LAMA3: variants seen among roughly 807,000 people sequenced by gnomAD.
LAMA3 encodes the protein laminin subunit alpha 3.
Under a neutral mutation model 402.0 loss-of-function variants are expected in LAMA3, and 281 were observed. The ratio of observed to expected loss-of-function variants is 0.70; its 90% CI spans 0.63 to 0.77. The LOEUF is 0.77. Among genes scored for constraint, LAMA3 ranks in the 30% least tolerant of loss-of-function variants. The pLI, the probability that LAMA3 is intolerant of heterozygous loss-of-function variation, is 0.00. For synonymous variants in LAMA3, 1,431 were observed against 1,558.4 expected, an observed-to-expected ratio of 0.92 and a Z score of 1.93; for missense variants, 3,840 against 4,215.5, an observed-to-expected ratio of 0.91 and a Z score of 2.47.
At chr18:23,908,042 C>T in intron 54 of LAMA3, 107 bp downstream of exon 54, 1 of 1,030,692 alleles carries the variant, frequency 9.7e-7, no homozygotes, top group South Asian at 1.3e-5. Flanking sequence ...GAAACTAAAA[C>T]ATTAGAAAAC....
At chr18:23,824,255 A>G (rs972545385) in intron 20 of LAMA3, among the ~76,000 whole-genome samples, 168 bp from the exon 21 acceptor site, 11 of 152,232 alleles carry the variant, frequency 7.2e-5, no homozygotes, top group African/African-American at 2.4e-4. Flanking sequence ...TATTTTATAC[A>G]TATGTATTTG....
chr18:23,718,966 G>A (rs2061161231), intron 2 of LAMA3, among the ~76,000 whole-genome samples: 1 of 152,202 alleles, frequency 6.6e-6, no homozygotes, highest in Admixed American at 6.5e-5. Flanking sequence ...GCCTCTCAAT[G>A]GGCCAGTTCT....
At chr18:23,758,157 C>A (rs1229803004) in intron 6 of LAMA3, among the ~76,000 whole-genome samples, 2 of 152,206 alleles carry the variant, frequency 1.3e-5, no homozygotes, top group East Asian at 3.8e-4. Flanking sequence ...CTGCCTGACC[C>A]TTGGCAGGTA....
At chr18:23,926,791 GC>G (rs962987772) in intron 62 of LAMA3, among the ~76,000 whole-genome samples, 2 of 152,226 alleles carry the variant, frequency 1.3e-5, no homozygotes, top group Non-Finnish European at 2.9e-5. Context: ...AAGGGGAAAT[GC>G]CCTGGGGCCA....
In LAMA3 at chr18:23,932,179, G is replaced by A; in HGVS notation, c.8596G>A (p.Asp2866Asn). 1 of 1,613,998 alleles carries A rather than the reference G, an allele frequency of 6.2e-7. No homozygotes were observed. Among genetic ancestry groups the A allele is most frequent in the Non-Finnish European group, 8.5e-7 (1 of 1,179,914 alleles). The change falls in exon 66 of 75, where the codon GAC (aspartate) becomes AAC (asparagine). Residue 2866 changes from aspartate (D) to asparagine (N), a missense_variant. Asp to Asn is a conservative substitution (Grantham distance 23, BLOSUM62 1). Transcript: ENST00000313654. ...DNSGLRLLIDDQLLRNSKRLK... is the reference protein window; with the variant it reads ...DNSGLRLLIDNQLLRNSKRLK... ...TTTCAGACTACGGCTTCTCATCGAT[G>A]ACCAGCTTCTGAGAAATAGCAAAAG...
intron 2 of LAMA3, among the ~76,000 whole-genome samples, chr18:23,714,658 GT>G (rs940725061): frequency 2.6e-5 from 4 of 152,110 alleles, no homozygotes; most frequent in Admixed American, 2.0e-4. Context: ...ATTTTTAATT[GT>G]GGTAAAAGAG....
chr18:23,812,659 A>G (rs935145993), intron 13 of LAMA3, among the ~76,000 whole-genome samples: 48 of 152,254 alleles, frequency 3.2e-4, no homozygotes, highest in Non-Finnish European at 5.9e-4. Flanking sequence ...AGGAGGTGTG[A>G]TAATTAAAGA....
intron 5 of LAMA3, among the ~76,000 whole-genome samples, chr18:23,752,010 A>G (rs1416616080): frequency 1.3e-5 from 2 of 152,220 alleles, no homozygotes; most frequent in African/African-American, 4.8e-5. Flanking sequence ...TGCACCTTAT[A>G]GAGTTTGGCT....
intron 2 of LAMA3, 40 bp downstream of exon 2, chr18:23,714,112 G>T: frequency 6.3e-7 from 1 of 1,577,394 alleles, no homozygotes; most frequent in Non-Finnish European, 8.7e-7. Context: ...CATGAGCTTA[G>T]ATCACTGTTT....
chr18:23,913,126 C>A (rs183044891), intron 56 of LAMA3, among the ~76,000 whole-genome samples: 1 of 152,154 alleles, frequency 6.6e-6, no homozygotes, highest in Non-Finnish European at 1.5e-5. Flanking sequence ...GGGCCCAGCA[C>A]GTGGGCATGT....
chr18:23,812,513 A>G (rs1229604031), intron 13 of LAMA3, among the ~76,000 whole-genome samples: 1 of 152,228 alleles, frequency 6.6e-6, no homozygotes, highest in African/African-American at 2.4e-5. Context: ...CAGTTCAAAC[A>G]CTGTGTAATT....
chr18:23,867,822 T>C lies in LAMA3; in HGVS notation c.4684-12T>C. On this transcript the variant is annotated splice_polypyrimidine_tract_variant and intron_variant, in intron 36 of 74. Coordinates refer to ENST00000313654, the MANE Select transcript of LAMA3 (RefSeq NM_198129.4). ...TGAAGGTACTAACACATTCATGGTT[T>C]TCTTTAAACAGGGTCAGCACATGTC... The C allele has an allele frequency of 1.2e-6, 2 of 1,608,900 alleles. No homozygotes were observed. The highest frequency in any genetic ancestry group is 2.2e-5 in the South Asian group (2 of 90,966).
At chr18:23,734,250 G>C (rs554207348) in intron 2 of LAMA3, among the ~76,000 whole-genome samples, 1 of 152,202 alleles carries the variant, frequency 6.6e-6, no homozygotes, top group Non-Finnish European at 1.5e-5. Context: ...CAGGCTCAGG[G>C]TATTCTGAAT....
In LAMA3 at chr18:23,858,723, G is replaced by A. The variant is rs752762070; in HGVS notation, c.4316G>A (p.Arg1439Gln). Reference protein sequence around the residue: ...NVEGTECNVCREGSFHLDPAN... With the variant: ...NVEGTECNVCQEGSFHLDPAN... The stretch of plus-strand genomic sequence containing the variant: ...GAAGGCACAGAGTGTAATGTGTGTC[G>A]AGAAGGCTCATTCCATTTGGACCCA... Residue 1439 changes from arginine (R) to glutamine (Q), a missense_variant, in exon 34 of 75, where the codon CGA becomes CAA. By Grantham distance (43) the Arg-to-Gln change is conservative. This residue lies in a region of LAMA3 where 2,109 missense variants were observed against 2,376.0 expected (regional missense o/e 0.89). Transcript: ENST00000313654. The A allele has an allele frequency of 3.8e-5, 62 of 1,613,988 alleles. 2 individuals carry two copies. The highest frequency in any genetic ancestry group is 1.6e-4 in the Middle Eastern group (1 of 6,084).
intron 67 of LAMA3, among the ~76,000 whole-genome samples, chr18:23,935,369 G>T (rs1249000242): frequency 1.3e-5 from 2 of 152,238 alleles, no homozygotes; most frequent in African/African-American, 2.4e-5. Context: ...AGACTGTCAG[G>T]AGTCTCTGCG....
intron 62 of LAMA3, among the ~76,000 whole-genome samples, chr18:23,922,949 C>T (rs1195781245): frequency 2.6e-5 from 4 of 152,154 alleles, no homozygotes. Context: ...TACAGGAGAA[C>T]ATGACGTGTG....
rs150204820 is a variant in LAMA3, at chr18:23,749,521, G to A, written c.659G>A (p.Arg220His). The change falls in exon 4 of 75, where the codon CGT becomes CAT. Residue 220 changes from arginine to histidine, a missense_variant. Arg to His is a conservative substitution (Grantham distance 29, BLOSUM62 0). This residue lies in a region of LAMA3 where 2,109 missense variants were observed against 2,376.0 expected (regional missense o/e 0.89). Coordinates refer to ENST00000313654, the MANE Select transcript of LAMA3 (RefSeq NM_198129.4). ...GTACTTTGTGTTACTGAATATTCCC[G>A]TATTGTACCTTTGGAAAATGGTGAG... ...DDVLCVTEYS[R>H]IVPLENGEVV... 121 of 1,606,400 alleles carry A rather than the reference G, an allele frequency of 7.5e-5. No individual in the cohort carries two copies. The East Asian group carries it at 9.4e-4, about 12-fold the overall frequency.
In LAMA3 at chr18:23,916,543, G is replaced by A; in HGVS notation, c.7779-8G>A. On this transcript the variant is annotated splice_region_variant and splice_polypyrimidine_tract_variant and intron_variant, in intron 59 of 74. Coordinates refer to ENST00000313654, the MANE Select transcript of LAMA3 (RefSeq NM_198129.4). Reference sequence around the variant, plus strand: ...TGTGTTCTAATTTATGATGATTAATGTTGACAGGAGGAAGGAAGAGTCAGA... The same window carrying A: ...TGTGTTCTAATTTATGATGATTAATATTGACAGGAGGAAGGAAGAGTCAGA... 5 of 1,614,000 alleles carry A rather than the reference G, an allele frequency of 3.1e-6. No homozygotes were observed. The highest frequency in any genetic ancestry group is 4.2e-6 in the Non-Finnish European group (5 of 1,179,868).
At position 23,904,582 on chromosome 18, in the gene LAMA3, TG is replaced by T. The variant is rs1057516476; in HGVS notation, c.6505del (p.Val2169CysfsTer39). On this transcript the variant is annotated frameshift_variant, in exon 51 of 75. Coordinates refer to ENST00000313654, the MANE Select transcript of LAMA3 (RefSeq NM_198129.4). LOFTEE classifies it high-confidence loss of function. ...EIKRNASGDELVRCAVDAATA... is the reference protein window; with the variant it reads ...EIKRNASGDEXVRCAVDAATA... ...AAGAGAAACGCCAGCGGGGATGAGC[TG>T]GTGCGCTGTGCTGTGGATGCCGCCA... 1 of 1,607,622 alleles carries T rather than the reference TG, an allele frequency of 6.2e-7. No homozygotes were observed. The highest frequency in any genetic ancestry group is 8.5e-7 in the Non-Finnish European group (1 of 1,177,216).
Sources: allele counts gnomAD v4.1 joint callset (sites outside exome capture counted in the v4.1 genomes callset), GRCh38; gene constraint gnomAD v4.1.1; regional missense constraint gnomAD v4.1.1; transcripts MANE v1.5; gene names NCBI Gene and HGNC (gene_info 2026-07-23, HGNC 2026-07-21).